The following SH3GL2 variants were observed in gnomAD, a reference collection of about 807,000 sequenced individuals.
SH3GL2 encodes the protein SH3 domain containing GRB2 like 2, endophilin A1, also known as endophilin-A1.
A neutral mutation model predicts 46.0 loss-of-function variants in SH3GL2; 24 were observed. The ratio of observed to expected loss-of-function variants is 0.52; its 90% CI spans 0.38 to 0.73. The LOEUF is 0.73. Ranked by LOEUF, SH3GL2 falls within the 30% of genes least tolerant of loss-of-function variation. The pLI is 0.00. For missense variants in SH3GL2, 413 were observed against 424.2 expected, an observed-to-expected ratio of 0.97 and a Z score of 0.23; for synonymous variants, 196 against 147.1, an observed-to-expected ratio of 1.33 and a Z score of -2.40.
chr9:17,608,081 CAAGT>C (rs1004812914), intron 1 of SH3GL2, among the ~76,000 whole-genome samples: 1 of 150,832 alleles, frequency 6.6e-6, no homozygotes, highest in African/African-American at 2.4e-5. Flanking sequence ...TATATATAAA[CAAGT>C]GAGGAAGCTG....
intron 1 of SH3GL2, among the ~76,000 whole-genome samples, chr9:17,720,390 T>C (rs1396819468): frequency 6.6e-6 from 1 of 152,108 alleles, no homozygotes; most frequent in Non-Finnish European, 1.5e-5. Flanking sequence ...CAAAATACGT[T>C]GAAAGAGCTT....
chr9:17,667,389 C>T (rs146644710), intron 1 of SH3GL2, among the ~76,000 whole-genome samples: 7 of 152,248 alleles, frequency 4.6e-5, no homozygotes, highest in African/African-American at 1.4e-4. Flanking sequence ...CCCACAAATC[C>T]CCTGACAGTC....
chr9:17,735,631 T>C (rs1822312327), intron 1 of SH3GL2: 1 of 207,536 alleles, frequency 4.8e-6, no homozygotes, highest in African/African-American at 2.4e-5. Flanking sequence ...CTGAGGGACT[T>C]GAGCATATAA....
At chr9:17,691,500 T>C (rs571137803) in intron 1 of SH3GL2, among the ~76,000 whole-genome samples, 1 of 152,262 alleles carries the variant, frequency 6.6e-6, no homozygotes, top group South Asian at 2.1e-4. Context: ...CCCTATCTAA[T>C]TGATTTTTGT....
intron 1 of SH3GL2, among the ~76,000 whole-genome samples, chr9:17,719,011 G>A (rs1821828397): frequency 6.6e-6 from 1 of 152,128 alleles, no homozygotes; most frequent in African/African-American, 2.4e-5. Flanking sequence ...ATAAAGATGA[G>A]TTAAAATGGT....
intron 2 of SH3GL2, among the ~76,000 whole-genome samples, chr9:17,754,988 G>T (rs910259540): frequency 6.6e-6 from 1 of 152,086 alleles, no homozygotes; most frequent in Non-Finnish European, 1.5e-5. Context: ...TCTTTCTCTT[G>T]CCTAATTGGC....
chr9:17,735,038 G>A (rs943395744), intron 1 of SH3GL2, among the ~76,000 whole-genome samples: 12 of 152,176 alleles, frequency 7.9e-5, no homozygotes, highest in Middle Eastern at 3.4e-3. Flanking sequence ...CAAAAGTGCT[G>A]CCTCCGGGCT....
At position 17,707,707 on chromosome 9, in the gene SH3GL2, A is replaced by G. The variant is rs73422683; in HGVS notation, c.46-39359A>G. On this transcript the variant is annotated intron_variant, in intron 1 of 8. Transcript: ENST00000380607. Reference sequence around the variant, plus strand: ...ATATGTTTGGGCAAAGGAGAGTGAAAGTTGATATTGATACCAGACACTTTA... The same window carrying G: ...ATATGTTTGGGCAAAGGAGAGTGAAGGTTGATATTGATACCAGACACTTTA... Among the ~76,000 whole-genome samples, 847 of 152,172 alleles carry G rather than the reference A, an allele frequency of 5.6e-3. 8 individuals carry two copies. The highest frequency in any genetic ancestry group is 0.02 in the African/African-American group (815 of 41,542).
intron 1 of SH3GL2, among the ~76,000 whole-genome samples, chr9:17,719,703 G>A (rs1357347603): frequency 6.6e-6 from 1 of 151,760 alleles, no homozygotes; most frequent in African/African-American, 2.4e-5. Flanking sequence ...TGAGGTGGGA[G>A]GATCCCTTGA....
intron 1 of SH3GL2, among the ~76,000 whole-genome samples, chr9:17,600,479 CT>C (rs1818651164): frequency 6.6e-6 from 1 of 152,178 alleles, no homozygotes; most frequent in Non-Finnish European, 1.5e-5. Context: ...TCAGTTAGAT[CT>C]TCAGAGAACA....
chr9:17,662,750 C>T (rs554797742), intron 1 of SH3GL2, among the ~76,000 whole-genome samples: 53 of 146,300 alleles, frequency 3.6e-4, no homozygotes, highest in Non-Finnish European at 6.9e-4. Context: ...GCTCTTGTCA[C>T]CCAGGCTGGA....
intron 3 of SH3GL2, among the ~76,000 whole-genome samples, chr9:17,770,977 C>G (rs910704439): frequency 1.3e-5 from 2 of 152,164 alleles, no homozygotes; most frequent in Non-Finnish European, 2.9e-5. Flanking sequence ...GAGCATAGGA[C>G]TCAATTTAGG....
intron 5 of SH3GL2, 86 bp from the exon 6 acceptor site, chr9:17,789,306 G>A (rs1041625045): frequency 9.2e-7 from 1 of 1,082,942 alleles, no homozygotes; most frequent in South Asian, 1.5e-5. Flanking sequence ...TAATTTGGAA[G>A]TTAATGGACG....
chr9:17,603,312 A>G (rs1184683677), intron 1 of SH3GL2, among the ~76,000 whole-genome samples: 1 of 152,190 alleles, frequency 6.6e-6, no homozygotes, highest in African/African-American at 2.4e-5. Flanking sequence ...TAAACAAAAT[A>G]TGGTAGATCC....
intron 1 of SH3GL2, among the ~76,000 whole-genome samples, chr9:17,668,962 T>A (rs1487179814): frequency 3.3e-5 from 5 of 152,222 alleles, no homozygotes; most frequent in Non-Finnish European, 7.3e-5. Flanking sequence ...CTGGCCAGAA[T>A]CATTTATTAA....
chr9:17,652,473 A>G (rs1004043114), intron 1 of SH3GL2, among the ~76,000 whole-genome samples: 9 of 152,062 alleles, frequency 5.9e-5, no homozygotes, highest in African/African-American at 9.7e-5. Context: ...GTTTTGGTCT[A>G]TGAGGTGATC....
chr9:17,683,999 G>C (rs1461664903), intron 1 of SH3GL2, among the ~76,000 whole-genome samples: 1 of 152,066 alleles, frequency 6.6e-6, no homozygotes, highest in East Asian at 1.9e-4. Flanking sequence ...ACATACCTCA[G>C]TCTCTATAGT....
At chr9:17,731,058 T>C (rs925002471) in intron 1 of SH3GL2, among the ~76,000 whole-genome samples, 20 of 152,256 alleles carry the variant, frequency 1.3e-4, no homozygotes, top group Middle Eastern at 3.4e-3. Context: ...GTCACGATTC[T>C]GTGGTTCTGC....
intron 1 of SH3GL2, among the ~76,000 whole-genome samples, chr9:17,723,449 C>G (rs1034644233): frequency 1.3e-5 from 2 of 152,084 alleles, no homozygotes; most frequent in African/African-American, 4.8e-5. Context: ...TTTTATACAT[C>G]TTTCATATAT....
Sources: allele counts gnomAD v4.1 joint callset (sites outside exome capture counted in the v4.1 genomes callset), GRCh38; gene constraint gnomAD v4.1.1; transcripts MANE v1.5; gene names NCBI Gene and HGNC (gene_info 2026-07-23, HGNC 2026-07-21).